VWA5A: variants seen among roughly 807,000 people sequenced by gnomAD.
VWA5A encodes von Willebrand factor A domain-containing protein 5A.
VWA5A carries 77 observed loss-of-function variants against 84.6 expected under a neutral mutation model. The observed-to-expected ratio is 0.91, with a 90% CI of 0.76 to 1.10. The LOEUF (loss-of-function observed/expected upper bound fraction) is 1.10. Ranked by LOEUF, VWA5A falls within the 50% of genes least tolerant of loss-of-function variation. VWA5A has a pLI of 0.00. For synonymous variants in VWA5A, 334 were observed against 350.1 expected, an observed-to-expected ratio of 0.95 and a Z score of 0.51; for missense variants, 973 against 963.0, an observed-to-expected ratio of 1.01 and a Z score of -0.14.
intron 11 of VWA5A, among the ~76,000 whole-genome samples, chr11:124,128,569 T>C (rs780886201): frequency 2.5e-4 from 37 of 150,774 alleles, no homozygotes; most frequent in Admixed American, 5.9e-4. Context: ...GGTAGCTTGA[T>C]GGCAGTATGG....
chr11:124,117,835 A>G lies in VWA5A; in HGVS notation c.206A>G (p.Asp69Gly), dbSNP rs1219527997. The change falls in exon 4 of 19, where the codon GAT becomes GGT. Residue 69 changes from aspartate (D) to glycine (G), a missense_variant. Transcript: ENST00000456829. ...GTTTACAGCTTTGAGGCCTTGGTGG[A>G]TGGGAAGAAAATTGTAGCAGAATTA... ...SAVYSFEALV[D>G]GKKIVAELQD... is the part of the protein sequence containing the mutation. 1 of 1,614,030 alleles carries G rather than the reference A, an allele frequency of 6.2e-7. No individual in the cohort carries two copies. Among genetic ancestry groups the G allele is most frequent in the African/African-American group, 1.3e-5 (1 of 74,900 alleles).
Position 124,118,639 on chromosome 11 carries a change from T to C in VWA5A, c.576T>C (p.Ile192=). The part of the protein sequence containing the change: ...MVATIDSQHG[I]EKVQSNCPLS... ...CCACCATAGATTCCCAGCATGGCAT[T>C]GAGAAGGTCCAATCCAACTGCCCCT... The change falls in exon 6 of 19, where the codon ATT becomes ATC. Residue 192 remains isoleucine (I), a synonymous_variant. Transcript: ENST00000456829. 1 of 1,614,078 alleles carries C rather than the reference T, an allele frequency of 6.2e-7. No homozygotes were observed. Among genetic ancestry groups the C allele is most frequent in the South Asian group, 1.1e-5 (1 of 91,064 alleles).
chr11:124,139,225 T>TTGTGTG (rs113893702), intron 15 of VWA5A, among the ~76,000 whole-genome samples: 28,078 of 147,238 alleles, frequency 0.19, 2,781 homozygotes, highest in Middle Eastern at 0.34. Context: ...AGCATTTTGT[T>TTGTGTG]TGTGTGTGTG....
rs749615388 is a variant in VWA5A, at chr11:124,134,970, G to T, written c.1295G>T (p.Gly432Val). 2.5e-6 allele frequency: 4 copies of T among 1,613,500 alleles called. No individual in the cohort carries two copies. Among genetic ancestry groups the T allele is most frequent in the Admixed American group, 1.7e-5 (1 of 59,944 alleles). ...GEGTSTSLIK[G>V]IARASGGTSE... ...GGCACCTCCACCAGCCTAATAAAAG[G>T]TATTGCCCGGGCATCAGGGGGCACC... The change falls in exon 12 of 19, where the codon GGT (glycine) becomes GTT (valine). Residue 432 changes from glycine to valine, a missense_variant. Coordinates refer to ENST00000456829, the MANE Select transcript of VWA5A (RefSeq NM_001130142.2).
At position 124,118,321 on chromosome 11, in the gene VWA5A, C is replaced by CTGAA. The variant is rs751714732; in HGVS notation, c.380_383dup (p.Lys128AsnfsTer26). The stretch of plus-strand genomic sequence containing the variant: ...ACCTGGGTCGAAGGCGGCAGTCACC[C>CTGAA]TGAAGTATGTGCAGGAGCTGCCTCT... On this transcript the variant is annotated frameshift_variant, in exon 5 of 19. Coordinates refer to ENST00000456829, the MANE Select transcript of VWA5A (RefSeq NM_001130142.2). LOFTEE classifies it high-confidence loss of function. The CTGAA allele has an allele frequency of 1.2e-6, 2 of 1,614,196 alleles. No homozygotes were observed. Among genetic ancestry groups the CTGAA allele is most frequent in the East Asian group, 2.2e-5 (1 of 44,880 alleles).
At chr11:124,134,703 C>A (rs1264344302) in intron 11 of VWA5A, among the ~76,000 whole-genome samples, 1 of 152,132 alleles carries the variant, frequency 6.6e-6, no homozygotes. Flanking sequence ...GAAGCAGAAG[C>A]CTGCCTTTTA....
chr11:124,141,873 G>C, intron 16 of VWA5A, 132 bp downstream of exon 16: 1 of 1,282,724 alleles, frequency 7.8e-7, no homozygotes, highest in Non-Finnish European at 1.1e-6. Flanking sequence ...CCCATGCATT[G>C]GAAAAGATTC....
chr11:124,123,794 AC>A lies in VWA5A; in HGVS notation c.1159del (p.Leu387TyrfsTer17). 1.3e-6 allele frequency: 2 copies of A among 1,575,678 alleles called. No individual in the cohort carries two copies. Among genetic ancestry groups the A allele is most frequent in the African/African-American group, 1.4e-5 (1 of 73,570 alleles). On this transcript the variant is annotated frameshift_variant, in exon 10 of 19. Coordinates refer to ENST00000456829, the MANE Select transcript of VWA5A (RefSeq NM_001130142.2). LOFTEE classifies it high-confidence loss of function. ...TACAGGGGACCCTCCATCCCAGGCC[AC>A]CCCCTACAGGTAAGAAGTGGAACAG... ...NIYRGPSIPG[H>X]PLQLFVFTDG...
At chr11:124,142,358 G>T (rs1860745153) in intron 16 of VWA5A, 84 bp from the exon 17 acceptor site, 1 of 1,545,460 alleles carries the variant, frequency 6.5e-7, no homozygotes, top group Admixed American at 1.9e-5. Flanking sequence ...GCCTGTCTCT[G>T]AATTTAGCAG....
At position 124,147,054 on chromosome 11, in the gene VWA5A, A is replaced by T. The variant is rs1426330291; in HGVS notation, c.*1109A>T. The stretch of plus-strand genomic sequence containing the variant: ...TGAAGTTAGTGAAATAAAACTTAGT[A>T]GGGAAAAAAAGCTTAGCAAGAGGTC... On this transcript the variant is annotated 3_prime_UTR_variant, in exon 19 of 19. Coordinates refer to ENST00000456829, the MANE Select transcript of VWA5A (RefSeq NM_001130142.2). The T allele has an allele frequency of 6.0e-6, 1 of 166,490 alleles. No individual in the cohort carries two copies. The highest frequency in any genetic ancestry group is 6.5e-5 in the Admixed American group (1 of 15,282). 10.3% of individuals were successfully genotyped at this position (166,490 alleles called of 1,614,324 possible). A position where few individuals can be genotyped will look rare whatever the true frequency, so the allele number is the denominator to read the frequency against.
intron 13 of VWA5A, 46 bp from the exon 14 acceptor site, chr11:124,136,528 C>A (rs774340104): frequency 3.2e-6 from 5 of 1,583,354 alleles, no homozygotes; most frequent in Admixed American, 1.7e-5. Flanking sequence ...CATGGATGAT[C>A]AGAACATTAC....
At chr11:124,122,890 C>T in intron 7 of VWA5A, 70 bp from the exon 8 acceptor site, 1 of 1,449,322 alleles carries the variant, frequency 6.9e-7, no homozygotes, top group Non-Finnish European at 9.4e-7. Context: ...AATTCACTAC[C>T]ATTGATTCTT....
rs775376742 is a variant in VWA5A at position 124,145,219 on chromosome 11, T to C, written c.2155-18T>C. On this transcript the variant is annotated intron_variant, in intron 17 of 18. Transcript: ENST00000456829. ...AGGGACTTCCTGTGCCAACTGGAGC[T>C]CTCTATCTACTGTGCAGCTTGTGGA... is the stretch of plus-strand genomic sequence containing the variant. 1.4e-5 allele frequency: 23 copies of C among 1,595,180 alleles called. No homozygotes were observed. The South Asian group carries it at 2.0e-4, about 14-fold the overall frequency.
intron 15 of VWA5A, 83 bp downstream of exon 15, chr11:124,137,351 G>T: frequency 6.6e-7 from 1 of 1,510,458 alleles, no homozygotes; most frequent in South Asian, 1.4e-5. Flanking sequence ...AAAGGGCTGT[G>T]AAATGTTCTC....
chr11:124,142,673 G>A (rs1488897229), intron 17 of VWA5A, 101 bp downstream of exon 17: 5 of 1,471,986 alleles, frequency 3.4e-6, no homozygotes, highest in East Asian at 4.6e-5. Flanking sequence ...AAAATATAGG[G>A]GGTCATAGAC....
chr11:124,119,431 G>A (rs1245733075), intron 7 of VWA5A, among the ~76,000 whole-genome samples: 1 of 152,206 alleles, frequency 6.6e-6, no homozygotes, highest in Non-Finnish European at 1.5e-5. Context: ...AATTATCAAC[G>A]ATTTCCAAAT....
chr11:124,129,566 C>A (rs1865067571), intron 11 of VWA5A, among the ~76,000 whole-genome samples: 1 of 152,144 alleles, frequency 6.6e-6, no homozygotes, highest in Non-Finnish European at 1.5e-5. Flanking sequence ...ACCAGCTCCT[C>A]TTTGTACCTC....
Position 124,124,305 on chromosome 11 carries a change from A to C in VWA5A, c.1233A>C (p.Arg411Ser). 1 of 1,614,058 alleles carries C rather than the reference A, an allele frequency of 6.2e-7. No homozygotes were observed. Among genetic ancestry groups the C allele is most frequent in the African/African-American group, 1.3e-5 (1 of 75,054 alleles). ...TAATTAAAGAAGTTAGGATCAACAG[A>C]CAGAAACACAGGTAGGAAGAAAATG... ...FSVIKEVRIN[R>S]QKHRCFSFGI... The change falls in exon 11 of 19, where the codon AGA becomes AGC. Residue 411 changes from arginine (R) to serine (S), a missense_variant. Arg to Ser is a moderately radical substitution (Grantham distance 110). Coordinates refer to ENST00000456829, the MANE Select transcript of VWA5A (RefSeq NM_001130142.2).
At chr11:124,117,610 G>A in intron 3 of VWA5A, 56 bp downstream of exon 3, 1 of 1,614,044 alleles carries the variant, frequency 6.2e-7, no homozygotes, top group Non-Finnish European at 8.5e-7. Flanking sequence ...CTATCACAAG[G>A]CTTGATCTAC....
Sources: gnomAD v4.1 joint callset for allele counts (sites outside exome capture counted in the v4.1 genomes callset) on GRCh38, gnomAD v4.1.1 for gene constraint, MANE v1.5 for transcripts, NCBI Gene and HGNC (gene_info 2026-07-23, HGNC 2026-07-21) for gene names.